The following DLC1 variants were observed in gnomAD, a reference collection of about 807,000 sequenced individuals.
The protein encoded by DLC1 is rho GTPase-activating protein 7.
In DLC1, 54 loss-of-function variants were observed where a neutral mutation model predicts 140.3. The ratio of observed to expected loss-of-function variants is 0.38; its 90% CI spans 0.31 to 0.48. DLC1 has a LOEUF of 0.48. DLC1 is among the 20% of genes least tolerant of loss of function. DLC1 has a pLI of 0.96. For synonymous variants in DLC1, 986 were observed against 728.1 expected (o/e 1.35, Z -5.70); for missense variants, 2,536 against 1,907.0 (o/e 1.33, Z -6.14).
chr8:13,432,967 C>CT (rs1439996321), intron 2 of DLC1, among the ~76,000 whole-genome samples: 1 of 73,846 alleles, frequency 1.4e-5, no homozygotes, highest in Non-Finnish European at 2.8e-5. Flanking sequence ...TTTTTTTTTC[C>CT]TTTTTCAAAC....
At chr8:13,233,354 T>C (rs1010941071) in intron 5 of DLC1, among the ~76,000 whole-genome samples, 1 of 143,610 alleles carries the variant, frequency 7.0e-6, no homozygotes, top group African/African-American at 2.6e-5. Flanking sequence ...CTTGTGACTA[T>C]TGCAAAATAG....
chr8:13,236,391 T>C (rs907525978), intron 5 of DLC1, among the ~76,000 whole-genome samples: 64 of 152,262 alleles, frequency 4.2e-4, no homozygotes, highest in African/African-American at 1.3e-3. Flanking sequence ...GATGTGATTA[T>C]GAGATTCTAT....
intron 2 of DLC1, among the ~76,000 whole-genome samples, chr8:13,429,990 C>T (rs889759693): frequency 6.6e-6 from 1 of 152,120 alleles, no homozygotes; most frequent in African/African-American, 2.4e-5. Flanking sequence ...CATGACTAAA[C>T]ATTAGATTCA....
At position 13,194,976 on chromosome 8, in the gene DLC1, CT is replaced by C. The variant is rs140248926; in HGVS notation, c.1349-79320del. On this transcript the variant is annotated intron_variant, in intron 5 of 17. Coordinates refer to ENST00000276297, the MANE Select transcript of DLC1 (RefSeq NM_182643.3). ...AGTGAGCTATGATTGTGCCACTGCA[CT>C]CCAGTGTGGGTGACAGAGCAAGATC... 6.4e-3 allele frequency among the ~76,000 whole-genome samples: 972 copies of C among 152,300 alleles called. 3 individuals carry two copies. Among genetic ancestry groups the C allele is most frequent in the Non-Finnish European group, 0.01 (691 of 68,020 alleles).
chr8:13,228,210 T>C (rs1185244557), intron 5 of DLC1, among the ~76,000 whole-genome samples: 1 of 152,112 alleles, frequency 6.6e-6, no homozygotes, highest in Non-Finnish European at 1.5e-5. Context: ...GGGGATTTTG[T>C]ATATTTAGCA....
chr8:13,546,138 G>A (rs922488468), intron 1 of DLC1, among the ~76,000 whole-genome samples: 2 of 152,004 alleles, frequency 1.3e-5, no homozygotes, highest in Non-Finnish European at 2.9e-5. Context: ...TATTTATAGG[G>A]CTCATGGTCA....
At chr8:13,571,444 A>G (rs1323660455) in intron 1 of DLC1, among the ~76,000 whole-genome samples, 3 of 152,214 alleles carry the variant, frequency 2.0e-5, no homozygotes, top group African/African-American at 7.2e-5. Context: ...GAGATACTTC[A>G]TATCAGTGCA....
At chr8:13,497,691 T>A (rs1801576344) in intron 2 of DLC1, among the ~76,000 whole-genome samples, 1 of 152,214 alleles carries the variant, frequency 6.6e-6, no homozygotes, top group Non-Finnish European at 1.5e-5. Context: ...ATAGGTCAGT[T>A]AATACTGTCT....
chr8:13,451,061 A>AAAAAAAAAAAAAAAAAAAAAG (rs1563357501), intron 2 of DLC1, among the ~76,000 whole-genome samples: 6 of 138,452 alleles, frequency 4.3e-5, no homozygotes, highest in South Asian at 2.1e-4. Flanking sequence ...AAAAAAAAAA[A>AAAAAAAAAAAAAAAAAAAAAG]AAAAAAAGAA....
At position 13,086,046 on chromosome 8, in the gene DLC1, C is replaced by T. The variant is rs1476934113; in HGVS notation, c.4467-115G>A. Reference sequence around the variant, plus strand: ...GCATAAAATCTATCATTTCCCATGCCTTTGAATTCATGGCCGAGCTACCAT... The same window carrying T: ...GCATAAAATCTATCATTTCCCATGCTTTTGAATTCATGGCCGAGCTACCAT... On this transcript the variant is annotated intron_variant, in intron 17 of 17. Transcript: ENST00000276297. The T allele has an allele frequency of 5.4e-6, 8 of 1,470,262 alleles. No homozygotes were observed. The Admixed American group carries it at 1.2e-4, about 22-fold the overall frequency. 91.1% of individuals were successfully genotyped at this position (1,470,262 alleles called of 1,614,324 possible). A position where few individuals can be genotyped will look rare whatever the true frequency, so the allele number is the denominator to read the frequency against.
chr8:13,349,122 A>T (rs13277604), intron 4 of DLC1, among the ~76,000 whole-genome samples: 49,147 of 152,006 alleles, frequency 0.32, 8,603 homozygotes, highest in Non-Finnish European at 0.38. Flanking sequence ...CACTAATCAG[A>T]TAGGTTGTGG....
At chr8:13,430,451 A>G (rs766541716) in intron 2 of DLC1, among the ~76,000 whole-genome samples, 5 of 152,182 alleles carry the variant, frequency 3.3e-5, no homozygotes, top group Non-Finnish European at 7.3e-5. Flanking sequence ...TTCATCTGTG[A>G]TGGTTGTCAG....
chr8:13,323,788 C>T (rs1398931364), intron 4 of DLC1, among the ~76,000 whole-genome samples: 1 of 152,106 alleles, frequency 6.6e-6, no homozygotes, highest in Non-Finnish European at 1.5e-5. Flanking sequence ...TCACAGCAGT[C>T]CTATGAGACA....
At chr8:13,242,263 G>A (rs1189062667) in intron 5 of DLC1, among the ~76,000 whole-genome samples, 2 of 152,038 alleles carry the variant, frequency 1.3e-5, no homozygotes, top group African/African-American at 2.4e-5. Context: ...TGGTAATGAA[G>A]GTTGATAGGA....
chr8:13,128,122 T>C (rs1049197334), intron 5 of DLC1, among the ~76,000 whole-genome samples: 2 of 152,014 alleles, frequency 1.3e-5, no homozygotes, highest in African/African-American at 4.8e-5. Context: ...TTCCACTGTG[T>C]CTTGGCTTCA....
chr8:13,563,556 CT>C (rs1222033633), intron 1 of DLC1, among the ~76,000 whole-genome samples: 5 of 152,134 alleles, frequency 3.3e-5, no homozygotes, highest in African/African-American at 1.2e-4. Flanking sequence ...AAGAGACTTG[CT>C]TGATTCACAG....
intron 5 of DLC1, among the ~76,000 whole-genome samples, chr8:13,147,891 G>A (rs552712476): frequency 6.6e-6 from 1 of 152,132 alleles, no homozygotes; most frequent in South Asian, 2.1e-4. Context: ...GGGAGACTGA[G>A]GCAGGAGAAT....
At chr8:13,267,965 T>G (rs1283017703) in intron 5 of DLC1, among the ~76,000 whole-genome samples, 1 of 152,148 alleles carries the variant, frequency 6.6e-6, no homozygotes, top group Non-Finnish European at 1.5e-5. Context: ...TTATTAAGAG[T>G]GTTTCTGTTG....
At chr8:13,221,775 T>C (rs118165624) in intron 5 of DLC1, among the ~76,000 whole-genome samples, 11,741 of 143,486 alleles carry the variant, frequency 0.082, 657 homozygotes, top group South Asian at 0.16. Context: ...TATTAATATA[T>C]TAATATAAAA....
Sources: gnomAD v4.1 joint callset for allele counts (sites outside exome capture counted in the v4.1 genomes callset) on GRCh38, gnomAD v4.1.1 for gene constraint, MANE v1.5 for transcripts, NCBI Gene and HGNC (gene_info 2026-07-23, HGNC 2026-07-21) for gene names.